Variants in DST observed in about 807,000 individuals in gnomAD.
The protein encoded by DST is bullous pemphigoid antigen.
Under a neutral mutation model 875.2 loss-of-function variants are expected in DST, and 253 were observed. The observed-to-expected ratio is 0.29, with a 90% confidence interval of 0.26 to 0.32. The LOEUF (loss-of-function observed/expected upper bound fraction) is 0.32. DST is among the 10% of genes least tolerant of loss of function. The pLI, the probability that DST is intolerant of heterozygous loss-of-function variation, is 1.00. For missense variants in DST, 8,287 were observed against 9,111.6 expected (o/e 0.91, Z 3.68); for synonymous variants, 3,124 against 3,197.1 (o/e 0.98, Z 0.77).
In DST at chr6:56,597,890, G is replaced by A. The variant is rs369653418; in HGVS notation, c.12045C>T (p.Ile4015=). ...CTTGAAAATGGGTCCCGTTCTGTTC[G>A]ATTACCTGTTTGTGTTTTGTCCCTG... The part of the protein sequence containing the change: ...ERAGTKHKQV[I]EQNGTHFQEG... Residue 4015 remains isoleucine, a synonymous_variant, in exon 47 of 104, where the codon ATC becomes ATT. Coordinates refer to ENST00000680361, the MANE Select transcript of DST (RefSeq NM_001374736.1). 8 of 1,613,484 alleles carry A rather than the reference G, an allele frequency of 5.0e-6. No homozygotes were observed. The highest frequency in any genetic ancestry group is 4.0e-5 in the African/African-American group (3 of 74,848).
At chr6:56,610,930 G>A (rs1296447336) in intron 38 of DST, among the ~76,000 whole-genome samples, 1 of 152,046 alleles carries the variant, frequency 6.6e-6, no homozygotes, top group Non-Finnish European at 1.5e-5. Flanking sequence ...TTAGACTAAA[G>A]CACAAACAAA....
chr6:56,756,922 T>A (rs1454950391), intron 4 of DST, among the ~76,000 whole-genome samples: 1 of 152,174 alleles, frequency 6.6e-6, no homozygotes, highest in Non-Finnish European at 1.5e-5. Flanking sequence ...CAAAGAGTCA[T>A]GGTCTTTTTT....
chr6:56,509,181 G>A (rs1583484540), intron 74 of DST, among the ~76,000 whole-genome samples: 1 of 152,246 alleles, frequency 6.6e-6, no homozygotes. Context: ...TACTCTCATT[G>A]TGAATTTCCA....
chr6:56,686,180 T>G (rs2099185994), intron 9 of DST, among the ~76,000 whole-genome samples: 2 of 152,320 alleles, frequency 1.3e-5, no homozygotes, highest in African/African-American at 4.8e-5. Context: ...GCCATTACAC[T>G]AAGTGAATTA....
intron 50 of DST, among the ~76,000 whole-genome samples, chr6:56,575,290 T>C (rs2097847506): frequency 6.6e-6 from 1 of 152,176 alleles, no homozygotes; most frequent in South Asian, 2.1e-4. Context: ...GGTTCGATCA[T>C]ATGCCAAACC....
intron 3 of DST, among the ~76,000 whole-genome samples, chr6:56,878,416 A>G (rs1780500785): frequency 6.6e-6 from 1 of 152,186 alleles, no homozygotes; most frequent in African/African-American, 2.4e-5. Flanking sequence ...CTTGGCACTG[A>G]GCTGCCCCTC....
At chr6:56,549,274 C>T (rs2097280704) in intron 61 of DST, among the ~76,000 whole-genome samples, 1 of 152,048 alleles carries the variant, frequency 6.6e-6, no homozygotes, top group Admixed American at 6.6e-5. Context: ...CTAAAGCTAC[C>T]AGATAGATTA....
chr6:56,640,259 A>C lies in DST; in HGVS notation c.2374T>G (p.Leu792Val), dbSNP rs369773814. 1 of 1,614,056 alleles carries C rather than the reference A, an allele frequency of 6.2e-7. No homozygotes were observed. The highest frequency in any genetic ancestry group is 1.3e-5 in the African/African-American group (1 of 74,926). Residue 792 changes from leucine to valine, a missense_variant, in exon 18 of 104, where the codon TTG becomes GTG. Leu to Val is a conservative substitution (Grantham distance 32). Transcript: ENST00000680361. ...AGAAGGGGTTTTCGGATCTGCATCA[A>C]CTTCAAAGTTTGCAATGAATTTGGC... ...VEPNSLQTLKLMQIRKPLLKS... is the reference protein window; with the variant it reads ...VEPNSLQTLKVMQIRKPLLKS...
chr6:56,853,402 AT>A (rs1319466255), intron 3 of DST, among the ~76,000 whole-genome samples: 1 of 152,090 alleles, frequency 6.6e-6, no homozygotes, highest in Non-Finnish European at 1.5e-5. Context: ...GCTTTCTGAG[AT>A]TTTGTTTTTG....
intron 5 of DST, among the ~76,000 whole-genome samples, chr6:56,720,231 G>A (rs1020965742): frequency 2.6e-5 from 4 of 152,036 alleles, no homozygotes; most frequent in African/African-American, 7.2e-5. Flanking sequence ...AGAATTCAGC[G>A]ATATTTCTCC....
At position 56,651,030 on chromosome 6, in the gene DST, C is replaced by A. The variant is rs1229565007; in HGVS notation, c.1330G>T (p.Val444Phe). 1 of 1,603,220 alleles carries A rather than the reference C, an allele frequency of 6.2e-7. No individual in the cohort carries two copies. The highest frequency in any genetic ancestry group is 1.1e-5 in the South Asian group (1 of 90,578). ...TTTTCATCAGGTGAGGAGACATCGA[C>A]ATCTAAAAACAGCAACATAAATTAA... ...GVIRLLDPED[V>F]DVSSPDEKSV... is the part of the protein sequence containing the mutation. Residue 444 changes from valine (V) to phenylalanine (F), a missense_variant and splice_region_variant, in exon 12 of 104, where the codon GTC becomes TTC. Around this residue, in one of 10 missense-constraint regions of DST, gnomAD observed 1,160 missense variants for 1,424.3 expected, o/e 0.81. Coordinates refer to ENST00000680361, the MANE Select transcript of DST (RefSeq NM_001374736.1).
At chr6:56,715,512 T>C (rs975617968) in intron 5 of DST, among the ~76,000 whole-genome samples, 5 of 152,136 alleles carry the variant, frequency 3.3e-5, no homozygotes, top group Admixed American at 6.5e-5. Context: ...TCTCTCCCAC[T>C]CCTCACCAAG....
Position 56,893,575 on chromosome 6 carries a change from T to A in DST, c.417+6846A>T, listed in dbSNP as rs1427197698. On this transcript the variant is annotated intron_variant, in intron 3 of 103. Transcript: ENST00000680361. ...CTACTTTTAGTTCTTTTTTTTTTTT[T>A]TTTTTTTTTTTTATTTTTTTTTATT... 1.5e-4 allele frequency among the ~76,000 whole-genome samples: 11 copies of A among 71,400 alleles called. 2 individuals carry two copies. In the South Asian group the frequency reaches 1.6e-3, roughly 11 times the overall value. The allele number at this position is 71,400 out of a possible 152,430, so 46.8% of individuals were successfully genotyped here.
intron 2 of DST, among the ~76,000 whole-genome samples, chr6:56,902,870 T>A (rs981513533): frequency 2.0e-5 from 3 of 152,278 alleles, no homozygotes; most frequent in Admixed American, 6.5e-5. Context: ...TACAGGCTGC[T>A]TTTTATGCAG....
At chr6:56,485,536 T>C in intron 87 of DST, 65 bp from the exon 88 acceptor site, 1 of 1,476,470 alleles carries the variant, frequency 6.8e-7, no homozygotes, top group South Asian at 1.2e-5. Context: ...TCTGAACATC[T>C]AAAATTAATT....
intron 69 of DST, among the ~76,000 whole-genome samples, chr6:56,525,405 A>G (rs1208815888): frequency 6.6e-6 from 1 of 152,180 alleles, no homozygotes; most frequent in African/African-American, 2.4e-5. Flanking sequence ...TTTTGCTATC[A>G]CTGCATTTCA....
chr6:56,483,081 A>G (rs906257702), intron 88 of DST, among the ~76,000 whole-genome samples: 4 of 152,286 alleles, frequency 2.6e-5, no homozygotes, highest in Admixed American at 2.0e-4. Flanking sequence ...TCTTGTATAA[A>G]TTTGTTCAGT....
chr6:56,880,746 A>C (rs951438289), intron 3 of DST, among the ~76,000 whole-genome samples: 6 of 150,546 alleles, frequency 4.0e-5, no homozygotes, highest in African/African-American at 1.2e-4. Flanking sequence ...TTTTCAACTT[A>C]TCTGGTTCCA....
chr6:56,884,150 G>C (rs1783525748), intron 3 of DST, among the ~76,000 whole-genome samples: 1 of 151,574 alleles, frequency 6.6e-6, no homozygotes, highest in Non-Finnish European at 1.5e-5. Flanking sequence ...AAAATTCATT[G>C]TTCAAATTTC....
Sources: gnomAD v4.1 joint callset for allele counts (sites outside exome capture counted in the v4.1 genomes callset) on GRCh38, gnomAD v4.1.1 for gene constraint, gnomAD v4.1.1 regional missense constraint, MANE v1.5 for transcripts, NCBI Gene and HGNC (gene_info 2026-07-23, HGNC 2026-07-21) for gene names.